The following RBPMS variants were observed in gnomAD, a reference collection of about 807,000 sequenced individuals.
The protein encoded by RBPMS is RNA-binding protein with multiple splicing.
A neutral mutation model predicts 26.8 loss-of-function variants in RBPMS; 7 were observed. The observed-to-expected ratio is 0.26, with a 90% CI of 0.15 to 0.49. RBPMS has a LOEUF of 0.49. Ranked by LOEUF, RBPMS falls within the 20% of genes least tolerant of loss-of-function variation. RBPMS has a pLI of 0.98. For synonymous variants in RBPMS, 96 were observed against 93.3 expected, an observed-to-expected ratio of 1.03 and a Z score of -0.17; for missense variants, 186 against 250.0, an observed-to-expected ratio of 0.74 and a Z score of 1.73.
At chr8:30,391,218 A>G (rs1361928515) in intron 1 of RBPMS, among the ~76,000 whole-genome samples, 1 of 152,210 alleles carries the variant, frequency 6.6e-6, no homozygotes, top group Non-Finnish European at 1.5e-5. Flanking sequence ...CCCAAGGTGC[A>G]TTTGGGTTTT....
chr8:30,498,496 T>C (rs867114665), intron 4 of RBPMS, among the ~76,000 whole-genome samples: 5 of 152,170 alleles, frequency 3.3e-5, no homozygotes, highest in Non-Finnish European at 5.9e-5. Context: ...AGACTCCAAA[T>C]TGAAGACAGA....
At chr8:30,414,044 A>G (rs1441189196) in intron 1 of RBPMS, among the ~76,000 whole-genome samples, 2 of 152,084 alleles carry the variant, frequency 1.3e-5, no homozygotes, top group Non-Finnish European at 2.9e-5. Flanking sequence ...GCCCAGCCAG[A>G]GTGTTATTTC....
At chr8:30,426,710 TG>T (rs1811396529) in intron 1 of RBPMS, among the ~76,000 whole-genome samples, 1 of 151,638 alleles carries the variant, frequency 6.6e-6, no homozygotes, top group Non-Finnish European at 1.5e-5. Flanking sequence ...TACTATGTCT[TG>T]GGGTTTCTCC....
intron 6 of RBPMS, chr8:30,555,936 T>C (rs979251626): frequency 2.4e-5 from 24 of 985,332 alleles, no homozygotes; most frequent in Non-Finnish European, 2.8e-5. Flanking sequence ...GCCCGAACTC[T>C]GCTGTGCACC....
intron 1 of RBPMS, among the ~76,000 whole-genome samples, chr8:30,459,648 G>A (rs1815663914): frequency 6.6e-6 from 1 of 152,040 alleles, no homozygotes; most frequent in Non-Finnish European, 1.5e-5. Flanking sequence ...TCATAAATAA[G>A]GAAATTGAGA....
chr8:30,444,473 T>C (rs1227880159), intron 1 of RBPMS, among the ~76,000 whole-genome samples: 1 of 152,232 alleles, frequency 6.6e-6, no homozygotes, highest in Non-Finnish European at 1.5e-5. Context: ...TGTGGAGTCA[T>C]ATGTAAACCA....
At chr8:30,422,414 G>A (rs1179454948) in intron 1 of RBPMS, among the ~76,000 whole-genome samples, 1 of 151,900 alleles carries the variant, frequency 6.6e-6, no homozygotes, top group African/African-American at 2.4e-5. Flanking sequence ...GCGCCTGGCC[G>A]AAATTTTCTT....
intron 6 of RBPMS, chr8:30,558,238 G>C (rs1319354169): frequency 6.5e-6 from 1 of 152,872 alleles, no homozygotes; most frequent in Non-Finnish European, 1.5e-5. Flanking sequence ...CAATGCACCT[G>C]TGTTTGCGGC....
intron 5 of RBPMS, among the ~76,000 whole-genome samples, chr8:30,543,331 C>T (rs1825579422): frequency 1.3e-5 from 2 of 152,136 alleles, no homozygotes; most frequent in Admixed American, 1.3e-4. Context: ...TTGCTAGCCC[C>T]CTTTCTGTAT....
intron 8 of RBPMS, among the ~76,000 whole-genome samples, chr8:30,566,892 G>A (rs1827925854): frequency 6.6e-6 from 1 of 152,070 alleles, no homozygotes; most frequent in African/African-American, 2.4e-5. Context: ...CCAGACTGTG[G>A]GCCTCTTAGT....
chr8:30,472,368 A>G (rs1189588233), intron 1 of RBPMS, among the ~76,000 whole-genome samples: 1 of 152,184 alleles, frequency 6.6e-6, no homozygotes, highest in Non-Finnish European at 1.5e-5. Flanking sequence ...ATATACTAAT[A>G]TAAAGAGATC....
chr8:30,443,069 C>G (rs550999213), intron 1 of RBPMS, among the ~76,000 whole-genome samples: 1 of 152,328 alleles, frequency 6.6e-6, no homozygotes, highest in Admixed American at 6.5e-5. Flanking sequence ...TTCTCGTCCA[C>G]ACAGTTGGCA....
intron 5 of RBPMS, among the ~76,000 whole-genome samples, chr8:30,513,891 CTT>C (rs368209238): frequency 1.9e-3 from 294 of 152,234 alleles, no homozygotes; most frequent in African/African-American, 6.9e-3. Context: ...AAAGAGCTAT[CTT>C]TTCTTTTACA....
At chr8:30,538,858 C>G (rs1293471557) in intron 5 of RBPMS, among the ~76,000 whole-genome samples, 1 of 152,176 alleles carries the variant, frequency 6.6e-6, no homozygotes, top group Non-Finnish European at 1.5e-5. Flanking sequence ...CAGTTATGTA[C>G]TGGGGTTGCA....
At chr8:30,555,959 G>C in intron 6 of RBPMS, 2 of 985,446 alleles carry the variant, frequency 2.0e-6, no homozygotes, top group Non-Finnish European at 2.4e-6. Flanking sequence ...GAGCCCTGCC[G>C]CTCTGCCGGC....
At position 30,410,718 on chromosome 8, in the gene RBPMS, CTT is replaced by C. The variant is rs33979972; in HGVS notation, c.66+25574_66+25575del. Among the ~76,000 whole-genome samples, 1,039 of 131,836 alleles carry C rather than the reference CTT, an allele frequency of 7.9e-3. 11 individuals carry two copies. Among genetic ancestry groups the C allele is most frequent in the African/African-American group, 0.026 (941 of 35,852 alleles). The allele number at this position is 131,836 out of a possible 152,430, so 86.5% of individuals were successfully genotyped here. A position where few individuals can be genotyped will look rare whatever the true frequency, so the allele number is the denominator to read the frequency against. On this transcript the variant is annotated intron_variant, in intron 1 of 8. Transcript: ENST00000397323. ...ACTGACATTGAAATTTTCTTTTTTCCTTTTTTTTTTTTTTTGTTTGTTTTGTT... is the reference window on the plus strand; with the variant it reads ...ACTGACATTGAAATTTTCTTTTTTCCTTTTTTTTTTTTTGTTTGTTTTGTT...
intron 1 of RBPMS, among the ~76,000 whole-genome samples, chr8:30,448,904 G>C (rs964084994): frequency 6.6e-6 from 1 of 152,084 alleles, no homozygotes; most frequent in African/African-American, 2.4e-5. Context: ...AAAATATTAC[G>C]AGACCATACC....
At chr8:30,410,470 A>C (rs986521084) in intron 1 of RBPMS, among the ~76,000 whole-genome samples, 4 of 152,038 alleles carry the variant, frequency 2.6e-5, no homozygotes, top group Non-Finnish European at 4.4e-5. Flanking sequence ...GGCCTCCCAA[A>C]GTGCCGGGAC....
Position 30,474,652 on chromosome 8 carries a change from A to T in RBPMS, c.67-127A>T, listed in dbSNP as rs190682746. On this transcript the variant is annotated intron_variant, in intron 1 of 8. Coordinates refer to ENST00000397323, the MANE Select transcript of RBPMS (RefSeq NM_001008710.3). ...TTAACAGTGAAGTATTCGTTGTATCATGGAAAGAGCATGAATTTAGTATGA... is the reference window on the plus strand; with the variant it reads ...TTAACAGTGAAGTATTCGTTGTATCTTGGAAAGAGCATGAATTTAGTATGA... 1.6e-5 allele frequency: 10 copies of T among 638,918 alleles called. No individual in the cohort carries two copies. The East Asian group carries it at 2.4e-4, about 15-fold the overall frequency. 39.6% of individuals were successfully genotyped at this position (638,918 alleles called of 1,614,324 possible).
Sources: gnomAD v4.1 joint callset for allele counts (sites outside exome capture counted in the v4.1 genomes callset) on GRCh38, gnomAD v4.1.1 for gene constraint, MANE v1.5 for transcripts, NCBI Gene and HGNC (gene_info 2026-07-23, HGNC 2026-07-21) for gene names.